Variants in RSF1 observed in about 807,000 individuals in gnomAD.
The protein encoded by RSF1 is remodeling and spacing factor 1.
Under a neutral mutation model 145.2 loss-of-function variants are expected in RSF1, and 13 were observed. The ratio of observed to expected loss-of-function variants is 0.09; its 90% CI spans 0.06 to 0.14. The LOEUF is 0.14. Among genes scored for constraint, RSF1 ranks in the 10% least tolerant of loss-of-function variants. The pLI is 1.00. For missense variants in RSF1, 1,517 were observed against 1,718.2 expected (o/e 0.88, Z 2.07); for synonymous variants, 577 against 592.6 (o/e 0.97, Z 0.38).
intron 15 of RSF1, among the ~76,000 whole-genome samples, 173 bp from the exon 16 acceptor site, chr11:77,667,664 A>G (rs528669533): frequency 4.6e-5 from 7 of 152,192 alleles, no homozygotes; most frequent in African/African-American, 1.7e-4. Context: ...ACAATGCCCA[A>G]TATGATTCAT....
rs904890593 is a variant in RSF1 at position 77,664,867 on chromosome 11, T to A, written c.*2050A>T. The stretch of plus-strand genomic sequence containing the variant: ...ACAGCCCTGCTTTACTGTCTGTGAA[T>A]GTAAGCCCTTCCCTCCCTTCCAGTG... On this transcript the variant is annotated 3_prime_UTR_variant, in exon 16 of 16. Transcript: ENST00000308488. 6.6e-6 allele frequency: 1 copy of A among 152,230 alleles called. No homozygotes were observed. The highest frequency in any genetic ancestry group is 1.5e-5 in the Non-Finnish European group (1 of 68,028). 9.4% of individuals were successfully genotyped at this position (152,230 alleles called of 1,614,324 possible). A position where few individuals can be genotyped will look rare whatever the true frequency, so the allele number is the denominator to read the frequency against.
chr11:77,740,142 G>A lies in RSF1; in HGVS notation c.578+589C>T, dbSNP rs553134498. On this transcript the variant is annotated intron_variant, in intron 4 of 15. Coordinates refer to ENST00000308488, the MANE Select transcript of RSF1 (RefSeq NM_016578.4). ...TGTAATCCCAGCACTTTGGGAGGCC[G>A]AGGCGGGTAGATCACCTGAGGTCAG... 3.1e-4 allele frequency among the ~76,000 whole-genome samples: 47 copies of A among 152,360 alleles called. No homozygotes were observed. In the East Asian group the frequency reaches 7.5e-3, roughly 24 times the overall value.
intron 3 of RSF1, among the ~76,000 whole-genome samples, chr11:77,746,245 C>T (rs1947998610): frequency 6.6e-6 from 1 of 152,126 alleles, no homozygotes; most frequent in Non-Finnish European, 1.5e-5. Flanking sequence ...GAAATCTGAG[C>T]TTACTATGAC....
rs574823177 is a variant in RSF1, at chr11:77,698,244, T to C, written c.2715+243A>G. Among the ~76,000 whole-genome samples, 15 of 152,256 alleles carry C rather than the reference T, an allele frequency of 9.9e-5. No individual in the cohort carries two copies. The South Asian group carries it at 2.3e-3, about 23-fold the overall frequency. On this transcript the variant is annotated intron_variant, in intron 7 of 15. Transcript: ENST00000308488. ...ACATTCCTCAATCTGTGAGAAGAGA[T>C]TGAGGTGTATTATTATGTAGAGGAA...
intron 5 of RSF1, among the ~76,000 whole-genome samples, chr11:77,711,347 A>G (rs1219379950): frequency 6.6e-6 from 1 of 152,144 alleles, no homozygotes; most frequent in Non-Finnish European, 1.5e-5. Context: ...TGATACCATT[A>G]CCAATGTCAT....
intron 5 of RSF1, among the ~76,000 whole-genome samples, chr11:77,708,710 T>G (rs1028031299): frequency 6.6e-6 from 1 of 152,152 alleles, no homozygotes; most frequent in Non-Finnish European, 1.5e-5. Context: ...AAACCAAAAT[T>G]GTCAATAAAG....
At chr11:77,682,639 C>T (rs891135348) in intron 11 of RSF1, among the ~76,000 whole-genome samples, 8 of 152,152 alleles carry the variant, frequency 5.3e-5, no homozygotes, top group African/African-American at 1.9e-4. Context: ...AACTATCTGT[C>T]AGCACTATGC....
chr11:77,723,292 C>T (rs1960980302), intron 5 of RSF1, among the ~76,000 whole-genome samples: 1 of 151,960 alleles, frequency 6.6e-6, no homozygotes, highest in Admixed American at 6.6e-5. Flanking sequence ...CCCATCTCTA[C>T]AAAAAATAAA....
chr11:77,854,693 C>T, the RSF1 span, among the ~76,000 whole-genome samples: 7 of 152,124 alleles, frequency 4.6e-5, no homozygotes, highest in South Asian at 2.1e-4. Flanking sequence ...TGAGTGCCTG[C>T]GGGTTTTCCA....
intron 4 of RSF1, among the ~76,000 whole-genome samples, chr11:77,735,980 G>A (rs1297233394): frequency 6.6e-6 from 1 of 152,098 alleles, no homozygotes; most frequent in African/African-American, 2.4e-5. Flanking sequence ...CTCATGATCC[G>A]CCCGCCTTGG....
intron 1 of RSF1, among the ~76,000 whole-genome samples, chr11:77,768,456 C>T (rs950293932): frequency 6.6e-5 from 10 of 152,098 alleles, no homozygotes; most frequent in East Asian, 1.9e-4. Flanking sequence ...CCACTGCGCC[C>T]GGCCAATCAC....
intron 2 of RSF1, among the ~76,000 whole-genome samples, chr11:77,754,721 GT>G (rs1161790464): frequency 6.6e-6 from 1 of 151,942 alleles, no homozygotes; most frequent in Non-Finnish European, 1.5e-5. Context: ...TCCAGTCTAG[GT>G]GACAGTGAGA....
intron 1 of RSF1, among the ~76,000 whole-genome samples, chr11:77,766,522 G>T (rs1948227877): frequency 6.6e-6 from 1 of 152,114 alleles, no homozygotes; most frequent in African/African-American, 2.4e-5. Context: ...TGGGAGTGGG[G>T]AACAGTGTTC....
rs1465805067 is a variant in RSF1, at chr11:77,692,490, C to T, written c.2820+1017G>A. ...CGATCTCCTGACCTCGTGATCCGCCCGCCTCGGCCTCCCAAAGTGCTGGGA... is the reference window on the plus strand; with the variant it reads ...CGATCTCCTGACCTCGTGATCCGCCTGCCTCGGCCTCCCAAAGTGCTGGGA... On this transcript the variant is annotated intron_variant, in intron 8 of 15. Transcript: ENST00000308488. 1.2e-4 allele frequency among the ~76,000 whole-genome samples: 12 copies of T among 97,660 alleles called. 1 individual carries two copies. The highest frequency in any genetic ancestry group is 2.1e-4 in the African/African-American group (4 of 18,654). 64.1% of individuals were successfully genotyped at this position (97,660 alleles called of 152,430 possible).
the RSF1 span, chr11:77,869,312 C>CTTTT: frequency 6.3e-5 from 8 of 126,962 alleles, no homozygotes; most frequent in East Asian, 4.4e-4. Flanking sequence ...ATCTCTTTTT[C>CTTTT]TTTTTTTTTT....
At chr11:77,832,476 G>A in the RSF1 span, among the ~76,000 whole-genome samples, 2 of 151,984 alleles carry the variant, frequency 1.3e-5, no homozygotes. Context: ...ACAGGCATGC[G>A]CCACCATGCC....
In RSF1 at chr11:77,664,009, G is replaced by A. The variant is rs1262461212; in HGVS notation, c.*2908C>T. On this transcript the variant is annotated 3_prime_UTR_variant, in exon 16 of 16. Coordinates refer to ENST00000308488, the MANE Select transcript of RSF1 (RefSeq NM_016578.4). The stretch of plus-strand genomic sequence containing the variant: ...AGTGCTCTAAAAAAGATCCAAGACT[G>A]TCTAAACTCTACATCAATTACTGCT... 1.3e-5 allele frequency: 2 copies of A among 152,144 alleles called. No homozygotes were observed. Among genetic ancestry groups the A allele is most frequent in the Non-Finnish European group, 1.5e-5 (1 of 68,020 alleles). 9.4% of individuals were successfully genotyped at this position (152,144 alleles called of 1,614,324 possible). A position where few individuals can be genotyped will look rare whatever the true frequency, so the allele number is the denominator to read the frequency against.
intron 1 of RSF1, among the ~76,000 whole-genome samples, chr11:77,791,152 T>G (rs189463042): frequency 5.9e-5 from 9 of 152,232 alleles, no homozygotes; most frequent in African/African-American, 2.2e-4. Flanking sequence ...GGTATTTCCA[T>G]ACATCTTCTG....
chr11:77,676,934 A>G lies in RSF1; in HGVS notation c.3199T>C (p.Leu1067=). 6.2e-7 allele frequency: 1 copy of G among 1,613,960 alleles called. No homozygotes were observed. The highest frequency in any genetic ancestry group is 1.1e-5 in the South Asian group (1 of 91,074). Residue 1067 remains leucine, a synonymous_variant, in exon 13 of 16, where the codon TTG becomes CTG. Coordinates refer to ENST00000308488, the MANE Select transcript of RSF1 (RefSeq NM_016578.4). ...GHRGKDISTI[L]DEERKENKRP... ...TTATTTTCTTTTCTTTCTTCATCCA[A>G]AATAGTAGAGATGTCTTTCCCACGA...
Sources: gnomAD v4.1 joint callset for allele counts (sites outside exome capture counted in the v4.1 genomes callset) on GRCh38, gnomAD v4.1.1 for gene constraint, MANE v1.5 for transcripts, NCBI Gene and HGNC (gene_info 2026-07-23, HGNC 2026-07-21) for gene names.